Variants in TULP4 observed in about 807,000 individuals in gnomAD.
TULP4 encodes the protein TUB like protein 4.
TULP4 carries 16 observed loss-of-function variants against 129.0 expected under a neutral mutation model. The ratio of observed to expected loss-of-function variants is 0.12; its 90% CI spans 0.08 to 0.19. The LOEUF is 0.19. TULP4 is among the 10% of genes least tolerant of loss of function. TULP4 has a pLI of 1.00. For missense variants in TULP4, 1,842 were observed against 2,059.1 expected (o/e 0.89, Z 2.04); for synonymous variants, 998 against 854.0 (o/e 1.17, Z -2.94).
upstream of TULP4, among the ~76,000 whole-genome samples, chr6:158,281,419 T>C (rs2128466527): frequency 6.6e-6 from 1 of 152,296 alleles, no homozygotes; most frequent in South Asian, 2.1e-4. Context: ...TTCACTATGT[T>C]GGCCAGCTGG....
At chr6:158,256,121 C>T (rs1300366599) in intron 1 of TULP4, among the ~76,000 whole-genome samples, 1 of 152,232 alleles carries the variant, frequency 6.6e-6, no homozygotes, top group Non-Finnish European at 1.5e-5. Context: ...CTTGGCTTAA[C>T]ATTCCAGAGT....
At position 158,274,906 on chromosome 6, in the gene TULP4, C is replaced by T. The variant is rs568251954; in HGVS notation, n.69-37145C>T. Among the ~76,000 whole-genome samples, 32 of 152,366 alleles carry T rather than the reference C, an allele frequency of 2.1e-4. No homozygotes were observed. The South Asian group carries it at 6.6e-3, about 32-fold the overall frequency. On this transcript the variant is annotated intron_variant and non_coding_transcript_variant, in intron 1 of 1. Transcript: ENST00000620026. ...CCCAACGTCCTGGTCTTTTCCGTAT[C>T]CTCATACATGCCAGTCTTTCCTGCC...
chr6:158,336,796 C>CT (rs1452812096), intron 1 of TULP4, among the ~76,000 whole-genome samples: 2 of 151,954 alleles, frequency 1.3e-5, no homozygotes, highest in African/African-American at 4.8e-5. Context: ...TTTTTTAAAA[C>CT]TTTGATTTTT....
intron 1 of TULP4, chr6:158,237,552 T>C: frequency 6.5e-7 from 1 of 1,547,364 alleles, no homozygotes; most frequent in Non-Finnish European, 8.9e-7. Flanking sequence ...CCTGGGTCCC[T>C]TTTCCCATCT....
chr6:158,311,450 G>A (rs1189003237), upstream of TULP4, among the ~76,000 whole-genome samples: 2 of 152,188 alleles, frequency 1.3e-5, no homozygotes, highest in South Asian at 2.1e-4. Context: ...TCAGGCAGTA[G>A]GAAGAAGATG....
rs773515527 is a variant in TULP4 at position 158,494,881 on chromosome 6, T to C, written c.1870+35T>C. The stretch of plus-strand genomic sequence containing the variant: ...ATGTCCTCTTCTCTCATTGTCCCAG[T>C]TGGAACAAACTAAAACGTCCAGTTT... On this transcript the variant is annotated intron_variant, in intron 11 of 13. Transcript: ENST00000367097. 7.6e-6 allele frequency: 12 copies of C among 1,588,336 alleles called. No individual in the cohort carries two copies. In the East Asian group the frequency reaches 1.3e-4, roughly 18 times the overall value.
intron 1 of TULP4, among the ~76,000 whole-genome samples, chr6:158,367,077 C>T (rs964442221): frequency 1.3e-5 from 2 of 151,952 alleles, no homozygotes; most frequent in African/African-American, 2.4e-5. Flanking sequence ...ATCTGAATAA[C>T]GCTTTGGGTC....
intron 1 of TULP4, chr6:158,398,704 G>A (rs1161142789): frequency 6.6e-6 from 1 of 152,226 alleles, no homozygotes; most frequent in African/African-American, 2.4e-5. Context: ...AAGGCAATTT[G>A]TACAAAATTC....
In TULP4 at chr6:158,493,330, C is replaced by T. The variant is rs1048733601; in HGVS notation, c.1632-243C>T. On this transcript the variant is annotated intron_variant, in intron 9 of 13. Coordinates refer to ENST00000367097, the MANE Select transcript of TULP4 (RefSeq NM_020245.5). This position sits in a 1 kb window ranked among gnomAD's most constrained non-coding sequence, Gnocchi z 4.4. ...AAGCAGCTGGGACTGCAGGTGTGTG[C>T]CACCACACCCAGTTTCTCAATATAT... Among the ~76,000 whole-genome samples the T allele has an allele frequency of 4.6e-5, 7 of 152,166 alleles. No homozygotes were observed. Among genetic ancestry groups the T allele is most frequent in the East Asian group, 1.9e-4 (1 of 5,202 alleles).
chr6:158,336,660 C>T (rs1200935512), intron 1 of TULP4, among the ~76,000 whole-genome samples: 1 of 152,158 alleles, frequency 6.6e-6, no homozygotes, highest in East Asian at 1.9e-4. Context: ...TAATCAAGCA[C>T]TTTGAGACCT....
intron 2 of TULP4, chr6:158,428,354 A>G (rs975869827): frequency 6.6e-6 from 1 of 152,214 alleles, no homozygotes; most frequent in African/African-American, 2.4e-5. Flanking sequence ...GCACATTACC[A>G]AAACAAAATC....
At chr6:158,319,372 T>C (rs928805564) in intron 1 of TULP4, among the ~76,000 whole-genome samples, 1 of 152,040 alleles carries the variant, frequency 6.6e-6, no homozygotes, top group Non-Finnish European at 1.5e-5. Flanking sequence ...TTATTTAATT[T>C]GGTTTTTCAT....
At chr6:158,422,668 AG>A (rs1243206254) in intron 2 of TULP4, among the ~76,000 whole-genome samples, 1 of 152,186 alleles carries the variant, frequency 6.6e-6, no homozygotes, top group Non-Finnish European at 1.5e-5. Context: ...CCGAAAGAGG[AG>A]GTCCCCAAGT....
intron 3 of TULP4, among the ~76,000 whole-genome samples, chr6:158,436,753 G>A (rs1014224323): frequency 5.3e-5 from 8 of 152,192 alleles, no homozygotes; most frequent in Admixed American, 4.6e-4. Flanking sequence ...AAGAATCCGG[G>A]CTGGTAAGTA....
chr6:158,498,688 C>A lies in TULP4; in HGVS notation c.1890C>A (p.Leu630=), dbSNP rs754904933. The change falls in exon 12 of 14, where the codon CTC becomes CTA. Residue 630 remains leucine (L), a synonymous_variant. Coordinates refer to ENST00000367097, the MANE Select transcript of TULP4 (RefSeq NM_020245.5). The part of the protein sequence containing the change: ...NLGAVIYKTS[L]LHLQPRQMTI... ...CACCAGTAATCTATAAAACCAGCCT[C>A]CTGCATCTCCAGCCGCGGCAGATGA... 6.2e-7 allele frequency: 1 copy of A among 1,614,198 alleles called. No homozygotes were observed. Among genetic ancestry groups the A allele is most frequent in the Non-Finnish European group, 8.5e-7 (1 of 1,180,040 alleles).
Position 158,449,040 on chromosome 6 carries a change from C to T in TULP4, c.588C>T (p.Cys196=). The T allele has an allele frequency of 6.2e-7, 1 of 1,613,660 alleles. No homozygotes were observed. The stretch of plus-strand genomic sequence containing the variant: ...ATGGGCAGGTGATTGTCATGGATTG[C>T]CACGGCAGAATGCTGGCCCACGTCC... ...TADGQVIVMD[C]HGRMLAHVLL... is the part of the protein sequence containing the mutation. Residue 196 remains cysteine (C), a synonymous_variant, in exon 4 of 14, where the codon TGC becomes TGT. Transcript: ENST00000367097.
intron 1 of TULP4, among the ~76,000 whole-genome samples, chr6:158,392,370 A>G (rs946427537): frequency 6.6e-6 from 1 of 152,188 alleles, no homozygotes; most frequent in African/African-American, 2.4e-5. Context: ...GACACAGCCA[A>G]ACCACATCAT....
rs145357937 is a variant in TULP4 at position 158,287,773 on chromosome 6, T to G, written n.116+5395T>G. ...AGCTTAGTCCAGGCAGTAAATATAT[T>G]CATACTTTGAAAGGAGAGTAATTTT... On this transcript the variant is annotated intron_variant and non_coding_transcript_variant, in intron 1 of 1. Coordinates refer to the TULP4 transcript ENST00000432358. Among the ~76,000 whole-genome samples the G allele has an allele frequency of 2.0e-3, 308 of 152,270 alleles. 1 individual carries two copies. Among genetic ancestry groups the G allele is most frequent in the African/African-American group, 6.6e-3 (273 of 41,540 alleles).
chr6:158,331,771 G>GTATA (rs553636109), intron 1 of TULP4, among the ~76,000 whole-genome samples: 12,683 of 30,700 alleles, frequency 0.41, 3,402 homozygotes, highest in East Asian at 0.62. Context: ...ATATATACAC[G>GTATA]TATATATACA....
Sources: allele counts gnomAD v4.1 joint callset (sites outside exome capture counted in the v4.1 genomes callset), GRCh38; gene constraint gnomAD v4.1.1; non-coding constraint Gnocchi (gnomAD v3.1); transcripts MANE v1.5; gene names NCBI Gene and HGNC (gene_info 2026-07-23, HGNC 2026-07-21).